Variants in AK4 observed in about 807,000 individuals in gnomAD.
AK4 encodes the protein adenylate kinase 4, mitochondrial.
Under a neutral mutation model 24.6 loss-of-function variants are expected in AK4, and 13 were observed. The observed-to-expected ratio is 0.53, with a 90% confidence interval of 0.34 to 0.84. The LOEUF (loss-of-function observed/expected upper bound fraction) is 0.84, where lower values mean the gene tolerates loss of function less well. Ranked by LOEUF, AK4 falls within the 40% of genes least tolerant of loss-of-function variation. The pLI, the probability that AK4 is intolerant of heterozygous loss-of-function variation, is 0.01. For missense variants in AK4, 192 were observed against 288.2 expected (o/e 0.67, Z 2.42); for synonymous variants, 88 against 107.0 (o/e 0.82, Z 1.10).
In AK4 at chr1:65,226,421, A is replaced by C. The variant is rs1211235516; in HGVS notation, c.*244A>C. 2.3e-6 allele frequency: 1 copy of C among 427,100 alleles called. No homozygotes were observed. The highest frequency in any genetic ancestry group is 3.8e-5 in the East Asian group (1 of 26,298). The allele number at this position is 427,100 out of a possible 1,614,324, so 26.5% of individuals were successfully genotyped here. ...TCTGCACATGTCTCAAGCCCATCAC[A>C]AGAAAGCAAGTACAGTGTGGATTTC... On this transcript the variant is annotated 3_prime_UTR_variant, in exon 5 of 5. Transcript: ENST00000327299.
At chr1:65,199,086 C>CAA (rs34278926) in intron 2 of AK4, among the ~76,000 whole-genome samples, 203 of 104,130 alleles carry the variant, frequency 1.9e-3, no homozygotes, top group African/African-American at 6.1e-3. Flanking sequence ...GACTCCGCCT[C>CAA]AAAAAAAAAA....
At chr1:65,207,586 A>G (rs1443789714) in intron 2 of AK4, among the ~76,000 whole-genome samples, 1 of 127,176 alleles carries the variant, frequency 7.9e-6, no homozygotes, top group Non-Finnish European at 1.7e-5. Context: ...CTTTCATTTT[A>G]GGTTTAGGGG....
At chr1:65,179,012 A>G (rs939565079) in intron 1 of AK4, among the ~76,000 whole-genome samples, 11 of 152,134 alleles carry the variant, frequency 7.2e-5, no homozygotes, top group Non-Finnish European at 1.0e-4. Flanking sequence ...TGGAAGGTCT[A>G]TCTTGGAGTT....
intron 1 of AK4, among the ~76,000 whole-genome samples, chr1:65,184,400 A>G (rs1223307458): frequency 6.6e-6 from 1 of 152,210 alleles, no homozygotes; most frequent in Admixed American, 6.5e-5. Context: ...GTTTAATCTT[A>G]TAAACACATG....
chr1:65,148,178 G>C (rs1557431784), upstream of AK4: 1 of 889,920 alleles, frequency 1.1e-6, no homozygotes, highest in Non-Finnish European at 1.6e-6. Context: ...GGTGGAGAAG[G>C]GCGGGGAGGT....
chr1:65,212,736 C>G (rs11208609), intron 2 of AK4, among the ~76,000 whole-genome samples: 55,276 of 151,908 alleles, frequency 0.36, 10,442 homozygotes, highest in East Asian at 0.67. Context: ...TTTTTATATG[C>G]CTGATACAGC....
At chr1:65,186,653 ATTTG>A (rs1651109930) in intron 1 of AK4, among the ~76,000 whole-genome samples, 1 of 152,222 alleles carries the variant, frequency 6.6e-6, no homozygotes, top group South Asian at 2.1e-4. Flanking sequence ...GAAGATGTGT[ATTTG>A]TTGTTTATCT....
chr1:65,216,435 A>T (rs371833911), intron 2 of AK4, among the ~76,000 whole-genome samples: 1 of 152,138 alleles, frequency 6.6e-6, no homozygotes, highest in East Asian at 1.9e-4. Flanking sequence ...CTAATACGAC[A>T]TTCTTTTAAA....
intron 1 of AK4, chr1:65,165,969 C>G (rs561335403): frequency 6.6e-6 from 1 of 152,274 alleles, no homozygotes; most frequent in Admixed American, 6.5e-5. Context: ...CTTAACATAC[C>G]TGTGAGAAGT....
At chr1:65,209,097 A>G (rs959840476) in intron 2 of AK4, among the ~76,000 whole-genome samples, 2 of 152,216 alleles carry the variant, frequency 1.3e-5, no homozygotes, top group African/African-American at 2.4e-5. Flanking sequence ...TTCAATCTGG[A>G]TTGGCTGTTT....
At chr1:65,156,553 C>G (rs921382298) in intron 1 of AK4, among the ~76,000 whole-genome samples, 1 of 151,910 alleles carries the variant, frequency 6.6e-6, no homozygotes, top group Admixed American at 6.6e-5. Flanking sequence ...CTTTTTAACA[C>G]GTTTGAAAAT....
chr1:65,231,939 T>G lies in AK4; in HGVS notation c.*5762T>G, dbSNP rs879403118. The G allele has an allele frequency of 6.6e-6, 1 of 152,232 alleles. No individual in the cohort carries two copies. The highest frequency in any genetic ancestry group is 1.5e-5 in the Non-Finnish European group (1 of 68,070). 9.4% of individuals were successfully genotyped at this position (152,232 alleles called of 1,614,324 possible). ...TTTCCCAGAAGTCGTGTGTTTATGATGAGTCAGAGTGCTTTTCCTCGGTGG... is the reference window on the plus strand; with the variant it reads ...TTTCCCAGAAGTCGTGTGTTTATGAGGAGTCAGAGTGCTTTTCCTCGGTGG... On this transcript the variant is annotated 3_prime_UTR_variant, in exon 5 of 5. Transcript: ENST00000327299.
intron 1 of AK4, among the ~76,000 whole-genome samples, chr1:65,154,903 T>A (rs1570059970): frequency 6.6e-6 from 1 of 151,418 alleles, no homozygotes; most frequent in Non-Finnish European, 1.5e-5. Context: ...CAGGCTGGAG[T>A]GCAGTGGCGC....
At chr1:65,195,002 GTGC>G (rs1651423567) in intron 2 of AK4, among the ~76,000 whole-genome samples, 1 of 152,126 alleles carries the variant, frequency 6.6e-6, no homozygotes, top group African/African-American at 2.4e-5. Context: ...AGTCTGTTTT[GTGC>G]TGCTATAACA....
intron 1 of AK4, among the ~76,000 whole-genome samples, chr1:65,152,360 CTATATA>C (rs1649812696): frequency 4.3e-3 from 120 of 27,934 alleles, no homozygotes; most frequent in African/African-American, 8.7e-3. Context: ...CTCTCTCTCT[CTATATA>C]TATATATATA....
intron 2 of AK4, among the ~76,000 whole-genome samples, chr1:65,216,553 T>A (rs1652137172): frequency 7.9e-6 from 1 of 125,794 alleles, no homozygotes; most frequent in African/African-American, 5.1e-5. Flanking sequence ...AAAATGCTTT[T>A]CATTGATGTG....
chr1:65,203,511 C>G (rs1651726516), intron 2 of AK4, among the ~76,000 whole-genome samples: 1 of 152,006 alleles, frequency 6.6e-6, no homozygotes, highest in Admixed American at 6.6e-5. Context: ...AAGCATAAAA[C>G]CACCCCTCTT....
intron 1 of AK4, among the ~76,000 whole-genome samples, chr1:65,156,795 G>A (rs1296698113): frequency 6.6e-6 from 1 of 151,950 alleles, no homozygotes; most frequent in Non-Finnish European, 1.5e-5. Flanking sequence ...GGTGGCACAT[G>A]CCTGTAATCT....
At chr1:65,197,625 C>T (rs544173093) in intron 2 of AK4, among the ~76,000 whole-genome samples, 5 of 152,180 alleles carry the variant, frequency 3.3e-5, no homozygotes, top group East Asian at 1.9e-4. Flanking sequence ...GTCTATTTTC[C>T]CTGAGAGCTA....
Sources: allele counts gnomAD v4.1 joint callset (sites outside exome capture counted in the v4.1 genomes callset), GRCh38; gene constraint gnomAD v4.1.1; transcripts MANE v1.5; gene names NCBI Gene and HGNC (gene_info 2026-07-23, HGNC 2026-07-21).